The following GRM7 variants were observed in gnomAD, a reference collection of about 807,000 sequenced individuals.
GRM7 encodes glutamate metabotropic receptor 7.
A neutral mutation model predicts 84.5 loss-of-function variants in GRM7; 35 were observed. That is an observed-to-expected ratio of 0.41 (90% CI 0.32 to 0.55). The LOEUF is 0.55. Ranked by LOEUF, GRM7 falls within the 20% of genes least tolerant of loss-of-function variation. The pLI, the probability that GRM7 is intolerant of heterozygous loss-of-function variation, is 0.19. For synonymous variants in GRM7, 487 were observed against 455.1 expected (o/e 1.07, Z -0.89); for missense variants, 1,003 against 1,194.6 (o/e 0.84, Z 2.36).
chr3:7,545,626 A>G (rs1400172534), intron 7 of GRM7, among the ~76,000 whole-genome samples: 2 of 152,172 alleles, frequency 1.3e-5, no homozygotes, highest in Non-Finnish European at 2.9e-5. Flanking sequence ...AGGAATGTGA[A>G]CACGAGAAGA....
rs117332662 is a variant in GRM7 at position 7,592,870 on chromosome 3, C to G, written c.2451+13513C>G. ...CCATTTGTCCACTGCTGGAGAGAAG[C>G]TAGTTTGTGTTGGAAAACATGGGGA... On this transcript the variant is annotated intron_variant, in intron 8 of 9. Coordinates refer to ENST00000357716, the MANE Select transcript of GRM7 (RefSeq NM_000844.4). Among the ~76,000 whole-genome samples, 479 of 152,206 alleles carry G rather than the reference C, an allele frequency of 3.1e-3. 11 individuals are homozygous for G. Among genetic ancestry groups the G allele is most frequent in the Admixed American group, 0.027 (413 of 15,280 alleles).
chr3:7,011,871 C>T (rs1416556423), intron 1 of GRM7, among the ~76,000 whole-genome samples: 2 of 152,114 alleles, frequency 1.3e-5, no homozygotes, highest in East Asian at 1.9e-4. Flanking sequence ...TGAGCTCCTA[C>T]AAAAGCCTTA....
At chr3:7,288,216 G>A (rs542145508) in intron 2 of GRM7, among the ~76,000 whole-genome samples, 20 of 152,054 alleles carry the variant, frequency 1.3e-4, no homozygotes, top group African/African-American at 4.6e-4. Context: ...GATGAGTTGG[G>A]GTAAAATATC....
intron 7 of GRM7, among the ~76,000 whole-genome samples, chr3:7,492,601 G>A (rs1699562464): frequency 6.6e-6 from 1 of 152,044 alleles, no homozygotes; most frequent in Non-Finnish European, 1.5e-5. Flanking sequence ...TTTTCTATAT[G>A]AGTTTTGTGA....
intron 1 of GRM7, among the ~76,000 whole-genome samples, chr3:6,937,407 G>A (rs963394306): frequency 6.6e-6 from 1 of 152,110 alleles, no homozygotes; most frequent in Non-Finnish European, 1.5e-5. Context: ...CCTGTGCTTA[G>A]AGAAAAGATC....
chr3:6,872,525 C>T (rs941263502), intron 1 of GRM7, among the ~76,000 whole-genome samples: 3 of 152,036 alleles, frequency 2.0e-5, no homozygotes, highest in Non-Finnish European at 4.4e-5. Context: ...AGGTTTGTTA[C>T]ATAGGTATAC....
rs1412069594 is a variant in GRM7, at chr3:7,572,868, A to C, written c.1516-5554A>C. 2.5e-5 allele frequency among the ~76,000 whole-genome samples: 2 copies of C among 80,660 alleles called. 1 individual carries two copies. Among genetic ancestry groups the C allele is most frequent in the Non-Finnish European group, 5.1e-5 (2 of 39,286 alleles). 52.9% of individuals were successfully genotyped at this position (80,660 alleles called of 152,430 possible). On this transcript the variant is annotated intron_variant, in intron 7 of 9. Coordinates refer to ENST00000357716, the MANE Select transcript of GRM7 (RefSeq NM_000844.4). ...TATATATATATATATATATATATATATATATATATATAAATAATCTTTCTA... is the reference window on the plus strand; with the variant it reads ...TATATATATATATATATATATATATCTATATATATATAAATAATCTTTCTA...
At chr3:7,001,713 G>T (rs1695019843) in intron 1 of GRM7, among the ~76,000 whole-genome samples, 1 of 152,148 alleles carries the variant, frequency 6.6e-6, no homozygotes, top group African/African-American at 2.4e-5. Context: ...AACAGAACGT[G>T]CTCAATGTTA....
At chr3:7,629,550 T>C (rs1242445835) in intron 8 of GRM7, among the ~76,000 whole-genome samples, 1 of 152,164 alleles carries the variant, frequency 6.6e-6, no homozygotes, top group Non-Finnish European at 1.5e-5. Context: ...TTTGACCCCA[T>C]TGATCCCCTT....
At position 7,606,636 on chromosome 3, in the gene GRM7, C is replaced by T. The variant is rs551245898; in HGVS notation, c.2451+27279C>T. Among the ~76,000 whole-genome samples the T allele has an allele frequency of 5.3e-5, 8 of 152,166 alleles. No homozygotes were observed. The South Asian group carries it at 6.2e-4, about 12-fold the overall frequency. On this transcript the variant is annotated intron_variant, in intron 8 of 9. Transcript: ENST00000357716. ...GCAACCTCTGCCTCCTGGGTTAAAG[C>T]GATTCTCCTGCCTCAGCCTCCTGAG... is the stretch of plus-strand genomic sequence containing the variant.
At position 7,411,445 on chromosome 3, in the gene GRM7, T is replaced by C. The variant is rs190627041; in HGVS notation, c.1034-3578T>C. ...CAACACTCTGTTTCTGTCCACCATATGTCTGTCTCCTCTCTTGTACCACCA... is the reference window on the plus strand; with the variant it reads ...CAACACTCTGTTTCTGTCCACCATACGTCTGTCTCCTCTCTTGTACCACCA... On this transcript the variant is annotated intron_variant, in intron 4 of 9. Transcript: ENST00000357716. Among the ~76,000 whole-genome samples, 482 of 152,328 alleles carry C rather than the reference T, an allele frequency of 3.2e-3. 1 individual carries two copies. The highest frequency in any genetic ancestry group is 6.1e-3 in the Admixed American group (93 of 15,308).
intron 7 of GRM7, among the ~76,000 whole-genome samples, chr3:7,488,618 GC>G (rs1408275191): frequency 6.6e-6 from 1 of 152,108 alleles, no homozygotes; most frequent in African/African-American, 2.4e-5. Context: ...GCAGCATGAG[GC>G]CCCCGCCAAC....
rs757690008 is a variant in GRM7 at position 7,164,048 on chromosome 3, T to C, written c.736+17380T>C. On this transcript the variant is annotated intron_variant, in intron 2 of 9. Coordinates refer to ENST00000357716, the MANE Select transcript of GRM7 (RefSeq NM_000844.4). ...ATCTCACAGATTCTTCCATCCATGG[T>C]TTCTATGTTTATCAAAAATTAAAAC... is the stretch of plus-strand genomic sequence containing the variant. 5.9e-5 allele frequency among the ~76,000 whole-genome samples: 9 copies of C among 152,274 alleles called. No individual in the cohort carries two copies. The South Asian group carries it at 1.2e-3, about 21-fold the overall frequency.
intron 4 of GRM7, among the ~76,000 whole-genome samples, chr3:7,412,994 A>T (rs1696007516): frequency 6.6e-6 from 1 of 152,058 alleles, no homozygotes; most frequent in Non-Finnish European, 1.5e-5. Context: ...TGACACACAC[A>T]CACACACACA....
At chr3:7,735,488 GT>G (rs1702472656) in intron 9 of GRM7, among the ~76,000 whole-genome samples, 1 of 140,074 alleles carries the variant, frequency 7.1e-6, no homozygotes, top group Admixed American at 6.9e-5. Flanking sequence ...TTGCTAAATG[GT>G]TTTAATATGC....
At chr3:6,974,336 C>G (rs967609356) in intron 1 of GRM7, among the ~76,000 whole-genome samples, 13 of 152,060 alleles carry the variant, frequency 8.5e-5, no homozygotes, top group Non-Finnish European at 1.8e-4. Flanking sequence ...GTTGAATAGA[C>G]AGTTGAGTGA....
chr3:7,636,308 C>G (rs914116241), intron 8 of GRM7: 1 of 456,642 alleles, frequency 2.2e-6, no homozygotes, highest in Non-Finnish European at 4.4e-6. Context: ...AATGACTGTT[C>G]TTGTTATCCT....
chr3:7,513,582 T>G (rs1344066361), intron 7 of GRM7, among the ~76,000 whole-genome samples: 1 of 152,156 alleles, frequency 6.6e-6, no homozygotes, highest in Non-Finnish European at 1.5e-5. Context: ...ATTCATTGTA[T>G]GTTTCAAAAT....
intron 5 of GRM7, among the ~76,000 whole-genome samples, chr3:7,419,952 C>A (rs1258822540): frequency 3.3e-5 from 5 of 152,184 alleles, no homozygotes; most frequent in Non-Finnish European, 7.3e-5. Flanking sequence ...CCCCTGTTTA[C>A]TGTGGAAAGA....
Sources: gnomAD v4.1 joint callset for allele counts (sites outside exome capture counted in the v4.1 genomes callset) on GRCh38, gnomAD v4.1.1 for gene constraint, MANE v1.5 for transcripts, NCBI Gene and HGNC (gene_info 2026-07-23, HGNC 2026-07-21) for gene names.